Variants in HGSNAT observed in about 807,000 individuals in gnomAD.
HGSNAT encodes the protein transmembrane protein 76.
HGSNAT carries 59 observed loss-of-function variants against 85.2 expected under a neutral mutation model. That is an observed-to-expected ratio of 0.69 (90% CI 0.56 to 0.86). HGSNAT has a LOEUF of 0.86. HGSNAT is among the 40% of genes least tolerant of loss of function. The pLI, the probability that HGSNAT is intolerant of heterozygous loss-of-function variation, is 0.00. For missense variants in HGSNAT, 756 were observed against 777.1 expected (o/e 0.97, Z 0.32); for synonymous variants, 321 against 304.5 (o/e 1.05, Z -0.56).
chr8:43,150,667 A>G (rs757325206), intron 2 of HGSNAT, among the ~76,000 whole-genome samples: 4 of 151,960 alleles, frequency 2.6e-5, no homozygotes, highest in Non-Finnish European at 5.9e-5. Flanking sequence ...CCCTGTCTCT[A>G]CTAAAAAATA....
intron 10 of HGSNAT, among the ~76,000 whole-genome samples, chr8:43,181,130 A>G (rs1257865629): frequency 0.041 from 8 of 196 alleles, no homozygotes; most frequent in African/African-American, 0.045. Context: ...AGGGAGAGGG[A>G]GAGGGAGAGG....
chr8:43,191,258 G>T (rs1398697500), intron 11 of HGSNAT, among the ~76,000 whole-genome samples: 1 of 152,158 alleles, frequency 6.6e-6, no homozygotes, highest in Non-Finnish European at 1.5e-5. Flanking sequence ...TTGGGTATAG[G>T]AATAGAATTG....
At chr8:43,188,051 C>T (rs1357559780) in intron 11 of HGSNAT, among the ~76,000 whole-genome samples, 1 of 152,130 alleles carries the variant, frequency 6.6e-6, no homozygotes, top group Non-Finnish European at 1.5e-5. Context: ...GGTAACCTGA[C>T]CTTTCTCTCT....
Position 43,170,708 on chromosome 8 carries a change from C to T in HGSNAT, c.743+14C>T, listed in dbSNP as rs1803598600. ...CACCTTCAGGGGGTATGTGGGCCTC[C>T]CTGTAGCACAGTGGGTGCAGGTAGT... On this transcript the variant is annotated intron_variant, in intron 7 of 17. Coordinates refer to ENST00000379644, the MANE Select transcript of HGSNAT (RefSeq NM_152419.3). 1.3e-6 allele frequency: 2 copies of T among 1,547,112 alleles called. No individual in the cohort carries two copies. The highest frequency in any genetic ancestry group is 1.8e-6 in the Non-Finnish European group (2 of 1,137,238).
chr8:43,176,148 A>T (rs1372691990), intron 9 of HGSNAT, among the ~76,000 whole-genome samples: 1 of 152,040 alleles, frequency 6.6e-6, no homozygotes. Flanking sequence ...GTGTTTCCCC[A>T]ATGTTTTCTC....
At chr8:43,171,016 C>G (rs1478871532) in intron 7 of HGSNAT, among the ~76,000 whole-genome samples, 1 of 152,096 alleles carries the variant, frequency 6.6e-6, no homozygotes, top group African/African-American at 2.4e-5. Flanking sequence ...CATGTCCAGT[C>G]AGTAGCTTGA....
At chr8:43,155,388 CT>C (rs1389108970) in intron 2 of HGSNAT, among the ~76,000 whole-genome samples, 6 of 152,000 alleles carry the variant, frequency 3.9e-5, no homozygotes, top group Non-Finnish European at 5.9e-5. Flanking sequence ...TTTTTTTCCC[CT>C]GATACATAAT....
At chr8:43,179,450 G>A (rs1803954218) in intron 10 of HGSNAT, among the ~76,000 whole-genome samples, 1 of 108,380 alleles carries the variant, frequency 9.2e-6, no homozygotes. Context: ...CCGGGCAGAG[G>A]CGCCCCTCAC....
At position 43,170,676 on chromosome 8, in the gene HGSNAT, G is replaced by A. The variant is rs2130746199; in HGVS notation, c.725G>A (p.Ser242Asn). The change falls in exon 7 of 18, where the codon AGC becomes AAC. Residue 242 changes from serine (S) to asparagine (N), a missense_variant. Transcript: ENST00000379644. ...TCTGCCCTGCCGCCCCGCCTCCGCAGCGTGGACACCTTCAGGGGGTATGTG... is the reference window on the plus strand; with the variant it reads ...TCTGCCCTGCCGCCCCGCCTCCGCAACGTGGACACCTTCAGGGGGTATGTG... ...RLSALPPRLR[S>N]VDTFRGIALI... 1 of 1,603,362 alleles carries A rather than the reference G, an allele frequency of 6.2e-7. No individual in the cohort carries two copies. The highest frequency in any genetic ancestry group is 8.5e-7 in the Non-Finnish European group (1 of 1,175,168).
In HGSNAT at chr8:43,200,194, A is replaced by G. The variant is rs536137577; in HGVS notation, c.*625A>G. ...CGAAAAGTTAAAATATCTATGTGTT[A>G]TTCCCAAACCCTCTTACCTATGTAT... On this transcript the variant is annotated 3_prime_UTR_variant, in exon 18 of 18. Transcript: ENST00000379644. 3 of 152,296 alleles carry G rather than the reference A, an allele frequency of 2.0e-5. No homozygotes were observed. The highest frequency in any genetic ancestry group is 2.0e-4 in the Admixed American group (3 of 15,290). 9.4% of individuals were successfully genotyped at this position (152,296 alleles called of 1,614,324 possible). A position where few individuals can be genotyped will look rare whatever the true frequency, so the allele number is the denominator to read the frequency against.
intron 11 of HGSNAT, 166 bp downstream of exon 11, chr8:43,182,426 C>T: frequency 2.9e-6 from 2 of 686,736 alleles, no homozygotes; most frequent in African/African-American, 1.8e-5. Context: ...GTGTGAGCCA[C>T]CATGCCTGGC....
chr8:43,162,211 T>C (rs1450321361), intron 5 of HGSNAT, among the ~76,000 whole-genome samples: 3 of 152,248 alleles, frequency 2.0e-5, no homozygotes, highest in Non-Finnish European at 4.4e-5. Flanking sequence ...CAAGGTTTTA[T>C]TGATGAGCAA....
At position 43,183,616 on chromosome 8, in the gene HGSNAT, G is replaced by A. The variant is rs1191061053; in HGVS notation, c.1128+1356G>A. On this transcript the variant is annotated intron_variant, in intron 11 of 17. Transcript: ENST00000379644. ...CTCCTGAGTAGCTGGGACTACAGGC[G>A]CCCGCCACCACTCCCAGCTAATTTT... Among the ~76,000 whole-genome samples, 9 of 152,120 alleles carry A rather than the reference G, an allele frequency of 5.9e-5. No homozygotes were observed. In the East Asian group the frequency reaches 7.7e-4, roughly 13 times the overall value.
At chr8:43,166,491 C>T (rs1412210179) in intron 5 of HGSNAT, among the ~76,000 whole-genome samples, 2 of 152,204 alleles carry the variant, frequency 1.3e-5, no homozygotes, top group Non-Finnish European at 2.9e-5. Flanking sequence ...TCTGTCTGTG[C>T]TCAATAAATG....
At chr8:43,174,672 T>C (rs1176499410) in intron 9 of HGSNAT, among the ~76,000 whole-genome samples, 5 of 152,232 alleles carry the variant, frequency 3.3e-5, no homozygotes, top group South Asian at 2.1e-4. Flanking sequence ...ATGGTAGATA[T>C]GAGATATTTT....
At chr8:43,191,386 G>C in intron 11 of HGSNAT, 88 bp from the exon 12 acceptor site, 1 of 1,509,008 alleles carries the variant, frequency 6.6e-7, no homozygotes, top group Non-Finnish European at 9.0e-7. Context: ...CAAGAAATGA[G>C]TCACCGGGAA....
At chr8:43,150,726 C>G (rs898864717) in intron 2 of HGSNAT, among the ~76,000 whole-genome samples, 4 of 151,878 alleles carry the variant, frequency 2.6e-5, no homozygotes, top group Non-Finnish European at 5.9e-5. Flanking sequence ...CCCAGCTACT[C>G]GGGAGGCTGA....
chr8:43,202,727 T>C lies in HGSNAT; in HGVS notation c.*3158T>C, dbSNP rs1332995281. 6.6e-6 allele frequency: 1 copy of C among 152,238 alleles called. No individual in the cohort carries two copies. 9.4% of individuals were successfully genotyped at this position (152,238 alleles called of 1,614,324 possible). ...CTTTTATAAATGCATAATAACCCAG[T>C]TTGTATCAAAGGGTATCGACTTAAG... On this transcript the variant is annotated 3_prime_UTR_variant, in exon 18 of 18. Transcript: ENST00000379644.
intron 1 of HGSNAT, among the ~76,000 whole-genome samples, chr8:43,143,972 G>T (rs1322520923): frequency 6.6e-6 from 1 of 152,110 alleles, no homozygotes; most frequent in Admixed American, 6.6e-5. Context: ...GAATTGGAGA[G>T]AAATTTTGTA....
Sources: gnomAD v4.1 joint callset for allele counts (sites outside exome capture counted in the v4.1 genomes callset) on GRCh38, gnomAD v4.1.1 for gene constraint, MANE v1.5 for transcripts, NCBI Gene and HGNC (gene_info 2026-07-23, HGNC 2026-07-21) for gene names.